XPO5: variants seen among roughly 807,000 people sequenced by gnomAD.
XPO5 encodes the protein exportin-5.
A neutral mutation model predicts 160.6 loss-of-function variants in XPO5; 46 were observed. The observed-to-expected ratio is 0.29, with a 90% CI of 0.23 to 0.37. The LOEUF is 0.37. XPO5 is among the 10% of genes least tolerant of loss of function. The pLI, the probability that XPO5 is intolerant of heterozygous loss-of-function variation, is 1.00. For synonymous variants in XPO5, 537 were observed against 519.3 expected (o/e 1.03, Z -0.46); for missense variants, 1,090 against 1,463.9 (o/e 0.74, Z 4.17).
Position 43,559,887 on chromosome 6 carries a change from C to G in XPO5, c.1221+291G>C, listed in dbSNP as rs942258843. 8.5e-5 allele frequency among the ~76,000 whole-genome samples: 13 copies of G among 152,168 alleles called. 1 individual carries two copies. Among genetic ancestry groups the G allele is most frequent in the African/African-American group, 3.1e-4 (13 of 41,436 alleles). ...CTGGAGTGCAGTGCTGCGATCTCAGCTCAATGCAGCTTCAACTTCCCAAGC... is the reference window on the plus strand; with the variant it reads ...CTGGAGTGCAGTGCTGCGATCTCAGGTCAATGCAGCTTCAACTTCCCAAGC... On this transcript the variant is annotated intron_variant, in intron 11 of 31. Transcript: ENST00000265351.
chr6:43,573,936 G>C (rs935957696), intron 1 of XPO5, among the ~76,000 whole-genome samples: 1 of 149,856 alleles, frequency 6.7e-6, no homozygotes, highest in African/African-American at 2.5e-5. Context: ...CAGTTCTCCT[G>C]CCTCAGCCTC....
At chr6:43,536,523 C>G (rs1025178789) in intron 20 of XPO5, among the ~76,000 whole-genome samples, 2 of 151,392 alleles carry the variant, frequency 1.3e-5, no homozygotes, top group Non-Finnish European at 2.9e-5. Flanking sequence ...CTTTAGGAAG[C>G]CGAGGTGGGT....
chr6:43,547,901 A>G (rs369560035), intron 18 of XPO5, among the ~76,000 whole-genome samples, 194 bp from the exon 19 acceptor site: 4 of 152,212 alleles, frequency 2.6e-5, no homozygotes, highest in African/African-American at 9.6e-5. Flanking sequence ...ATTATTAGTA[A>G]CAATTTAAGA....
chr6:43,547,051 G>A (rs190137607), intron 19 of XPO5, among the ~76,000 whole-genome samples: 2 of 152,064 alleles, frequency 1.3e-5, no homozygotes, highest in African/African-American at 2.4e-5. Context: ...GCTTAGATAC[G>A]ATCCAAAACA....
chr6:43,547,780 C>T (rs1274566096), intron 18 of XPO5, 73 bp from the exon 19 acceptor site: 8 of 1,354,926 alleles, frequency 5.9e-6, no homozygotes, highest in Non-Finnish European at 8.4e-6. Context: ...CAGGAGTTAA[C>T]AGGCTATCAT....
At chr6:43,533,886 A>G in intron 21 of XPO5, 21 bp downstream of exon 21, 1 of 1,556,564 alleles carries the variant, frequency 6.4e-7, no homozygotes, top group African/African-American at 1.4e-5. Flanking sequence ...ACCTTAGGAG[A>G]AAAAAGGTTA....
chr6:43,549,429 C>A (rs1795122798), intron 17 of XPO5, 60 bp downstream of exon 17: 1 of 1,499,832 alleles, frequency 6.7e-7, no homozygotes, highest in Middle Eastern at 2.2e-4. Context: ...ACACTGAAAG[C>A]TGGATTTACA....
intron 5 of XPO5, among the ~76,000 whole-genome samples, chr6:43,569,594 A>G (rs78035277): frequency 0.11 from 16,980 of 151,894 alleles, 2,089 homozygotes; most frequent in African/African-American, 0.31. Flanking sequence ...TTAGACGGGC[A>G]TGGTGGCAGG....
intron 20 of XPO5, 149 bp downstream of exon 20, chr6:43,546,422 A>T: frequency 5.4e-6 from 4 of 734,694 alleles, no homozygotes. Flanking sequence ...TATTTTTTTT[A>T]AAACTGAGAC....
chr6:43,533,957 G>C lies in XPO5; in HGVS notation c.2393C>G (p.Pro798Arg). ...AAGCATATCCAGAGCCTTGGTGAAA[G>C]GCTCTGCCATTTTGGCTAGCATTTC... ...APEMLAKMAE[P>R]FTKALDMLDA... Residue 798 changes from proline to arginine, a missense_variant, in exon 21 of 32, where the codon CCT (proline) becomes CGT (arginine). By Grantham distance (103) the Pro-to-Arg change is moderately radical. Around this residue, in one of 3 missense-constraint regions of XPO5, gnomAD observed 810 missense variants for 1,139.0 expected, o/e 0.71. Coordinates refer to ENST00000265351, the MANE Select transcript of XPO5 (RefSeq NM_020750.3). The C allele has an allele frequency of 6.2e-7, 1 of 1,607,642 alleles. No individual in the cohort carries two copies. The highest frequency in any genetic ancestry group is 8.5e-7 in the Non-Finnish European group (1 of 1,176,036).
chr6:43,575,191 C>G (rs1222178297), intron 1 of XPO5, among the ~76,000 whole-genome samples: 1 of 152,154 alleles, frequency 6.6e-6, no homozygotes, highest in Non-Finnish European at 1.5e-5. Context: ...ATATTACACT[C>G]AAAAACATGG....
chr6:43,575,485 G>A (rs1039308072), intron 1 of XPO5, among the ~76,000 whole-genome samples: 1 of 152,226 alleles, frequency 6.6e-6, no homozygotes, highest in African/African-American at 2.4e-5. Flanking sequence ...GCACAGAAGC[G>A]AGGAAAGGGG....
At chr6:43,529,836 G>A (rs1387024961) in intron 23 of XPO5, among the ~76,000 whole-genome samples, 1 of 149,804 alleles carries the variant, frequency 6.7e-6, no homozygotes, top group Non-Finnish European at 1.5e-5. Context: ...TGAGGTGGGA[G>A]GATCACTTGA....
chr6:43,545,689 CAA>C (rs1401712764), intron 20 of XPO5, among the ~76,000 whole-genome samples: 1 of 151,036 alleles, frequency 6.6e-6, no homozygotes, highest in Non-Finnish European at 1.5e-5. Flanking sequence ...GCCTGGGTGA[CAA>C]AGTGAGACTC....
At chr6:43,548,975 G>T (rs1795098579) in intron 17 of XPO5, among the ~76,000 whole-genome samples, 1 of 152,232 alleles carries the variant, frequency 6.6e-6, no homozygotes, top group South Asian at 2.1e-4. Context: ...ATATGGCAGA[G>T]AACTATTTGT....
chr6:43,527,869 A>G, intron 25 of XPO5, 138 bp from the exon 26 acceptor site: 4 of 841,798 alleles, frequency 4.8e-6, no homozygotes, highest in Non-Finnish European at 7.4e-6. Context: ...GGGAATGGAC[A>G]GCAGTGATCC....
intron 26 of XPO5, 149 bp from the exon 27 acceptor site, chr6:43,526,896 CA>C: frequency 1.3e-6 from 1 of 742,644 alleles, no homozygotes; most frequent in South Asian, 1.6e-5. Context: ...TTAGCTTCAC[CA>C]ATAGAAATAG....
intron 20 of XPO5, among the ~76,000 whole-genome samples, chr6:43,535,921 A>G (rs1361643776): frequency 6.6e-6 from 1 of 151,632 alleles, no homozygotes; most frequent in Non-Finnish European, 1.5e-5. Flanking sequence ...CCAGGAGATC[A>G]AGACCAGCCT....
intron 25 of XPO5, among the ~76,000 whole-genome samples, chr6:43,527,955 CAGT>C (rs1412015227): frequency 2.6e-5 from 4 of 152,230 alleles, no homozygotes; most frequent in African/African-American, 9.6e-5. Context: ...AGTAAGGTAA[CAGT>C]AGCCCCTATG....
Sources: allele counts gnomAD v4.1 joint callset (sites outside exome capture counted in the v4.1 genomes callset), GRCh38; gene constraint gnomAD v4.1.1; regional missense constraint gnomAD v4.1.1; transcripts MANE v1.5; gene names NCBI Gene and HGNC (gene_info 2026-07-23, HGNC 2026-07-21).